ZEB2: variants seen among roughly 807,000 people sequenced by gnomAD.
The protein encoded by ZEB2 is zinc finger E-box-binding homeobox 2.
ZEB2 carries 6 observed loss-of-function variants against 99.9 expected under a neutral mutation model. That is an observed-to-expected ratio of 0.06 (90% CI 0.03 to 0.12). The LOEUF (loss-of-function observed/expected upper bound fraction) is 0.12, where lower values mean the gene tolerates loss of function less well. Among genes scored for constraint, ZEB2 ranks in the 10% least tolerant of loss-of-function variants. The probability of loss-of-function intolerance (pLI) is 1.00; values close to 1 mark genes in which losing one functional copy is unlikely to be tolerated. For missense variants in ZEB2, 969 were observed against 1,502.8 expected (o/e 0.64, Z 5.87); for synonymous variants, 517 against 542.5 (o/e 0.95, Z 0.65).
At chr2:144,438,504 T>A (rs1231762489) in intron 2 of ZEB2, among the ~76,000 whole-genome samples, 1 of 152,114 alleles carries the variant, frequency 6.6e-6, no homozygotes, top group African/African-American at 2.4e-5. Context: ...GGTAGAGGTT[T>A]CATCAGTAGC....
At chr2:144,449,967 T>G (rs1296143357) in intron 2 of ZEB2, among the ~76,000 whole-genome samples, 3 of 152,218 alleles carry the variant, frequency 2.0e-5, no homozygotes, top group Admixed American at 2.0e-4. Flanking sequence ...CATACAGCCT[T>G]TCTGATTAGC....
At chr2:144,508,646 T>C (rs950312864) in intron 2 of ZEB2, among the ~76,000 whole-genome samples, 1 of 151,828 alleles carries the variant, frequency 6.6e-6, no homozygotes, top group African/African-American at 2.4e-5. Flanking sequence ...AAGTCTCAAG[T>C]TGGTAACGGC....
rs575962868 is a variant in ZEB2, at chr2:144,432,579, G to A, written c.74-2553C>T. Reference sequence around the variant, plus strand: ...CTTCCTGATCCCTACCCCATGCCCCGACTTCTAAATCCCAGGATTTTCCTT... The same window carrying A: ...CTTCCTGATCCCTACCCCATGCCCCAACTTCTAAATCCCAGGATTTTCCTT... On this transcript the variant is annotated intron_variant, in intron 2 of 9. Transcript: ENST00000627532. Among the ~76,000 whole-genome samples the A allele has an allele frequency of 1.8e-4, 27 of 152,160 alleles. 2 individuals carry two copies. The South Asian group carries it at 3.3e-3, about 19-fold the overall frequency.
rs112075123 is a variant in ZEB2, at chr2:144,387,396, T to C, written c.*2055A>G. ...AATCTAGTTTCTTGATAAAAGTCAT[T>C]ATGTAAAACCTACGAATACATTCAT... On this transcript the variant is annotated 3_prime_UTR_variant, in exon 10 of 10. Transcript: ENST00000627532. The C allele has an allele frequency of 9.2e-5, 14 of 152,258 alleles. No individual in the cohort carries two copies. Among genetic ancestry groups the C allele is most frequent in the African/African-American group, 3.4e-4 (14 of 41,562 alleles). 9.4% of individuals were successfully genotyped at this position (152,258 alleles called of 1,614,324 possible).
chr2:144,493,435 C>T (rs910063962), intron 2 of ZEB2, among the ~76,000 whole-genome samples: 2 of 152,188 alleles, frequency 1.3e-5, no homozygotes, highest in Non-Finnish European at 2.9e-5. Flanking sequence ...GGTTAAGAAA[C>T]GCACCCAGGG....
At chr2:144,456,718 C>G (rs564302551) in intron 2 of ZEB2, among the ~76,000 whole-genome samples, 12 of 152,134 alleles carry the variant, frequency 7.9e-5, no homozygotes, top group Non-Finnish European at 1.6e-4. Context: ...GTCTTAGATT[C>G]TGCTCTTGTA....
chr2:144,457,306 T>G (rs1272792614), intron 2 of ZEB2, among the ~76,000 whole-genome samples: 1 of 152,136 alleles, frequency 6.6e-6, no homozygotes, highest in Non-Finnish European at 1.5e-5. Flanking sequence ...AAATTGAATC[T>G]CAGAAATTTT....
intron 2 of ZEB2, among the ~76,000 whole-genome samples, chr2:144,455,852 A>C (rs1704115498): frequency 6.6e-6 from 1 of 152,140 alleles, no homozygotes; most frequent in Admixed American, 6.6e-5. Flanking sequence ...AGAAGCCATT[A>C]TTATTACTTA....
chr2:144,406,070 T>C (rs1301872368), intron 4 of ZEB2, among the ~76,000 whole-genome samples: 1 of 152,232 alleles, frequency 6.6e-6, no homozygotes, highest in Admixed American at 6.5e-5. Flanking sequence ...ACGAGATTCT[T>C]CACCTTGTCT....
intron 2 of ZEB2, among the ~76,000 whole-genome samples, chr2:144,474,515 G>A (rs1240980538): frequency 6.6e-6 from 1 of 152,118 alleles, no homozygotes; most frequent in Non-Finnish European, 1.5e-5. Context: ...GAGTTCTAAG[G>A]TGTCAGAAAC....
chr2:144,453,940 TTGA>T (rs752708148), intron 2 of ZEB2, among the ~76,000 whole-genome samples: 1 of 152,222 alleles, frequency 6.6e-6, no homozygotes, highest in Non-Finnish European at 1.5e-5. Flanking sequence ...GACAAAAGTC[TTGA>T]TGACAGCGCA....
intron 2 of ZEB2, among the ~76,000 whole-genome samples, chr2:144,432,013 A>C (rs991835358): frequency 2.0e-5 from 3 of 152,144 alleles, no homozygotes; most frequent in South Asian, 2.1e-4. Flanking sequence ...AAAAAAAAAA[A>C]AAACCCATGC....
intron 2 of ZEB2, among the ~76,000 whole-genome samples, chr2:144,433,235 A>G (rs1427694709): frequency 6.6e-6 from 1 of 152,190 alleles, no homozygotes; most frequent in Non-Finnish European, 1.5e-5. Flanking sequence ...AAAGCCAACT[A>G]AAGAGCAGTA....
chr2:144,486,212 T>C (rs1704592877), intron 2 of ZEB2, among the ~76,000 whole-genome samples: 1 of 152,202 alleles, frequency 6.6e-6, no homozygotes, highest in Non-Finnish European at 1.5e-5. Context: ...ACACATCTTT[T>C]CTTGAAAAGA....
At chr2:144,448,338 C>T (rs1351051682) in intron 2 of ZEB2, among the ~76,000 whole-genome samples, 5 of 152,194 alleles carry the variant, frequency 3.3e-5, no homozygotes, top group Admixed American at 2.0e-4. Flanking sequence ...AGGTTCCATG[C>T]TGCCACCCTA....
In ZEB2 at chr2:144,399,168, T is replaced by C; in HGVS notation, c.2019A>G (p.Glu673=). The change falls in exon 8 of 10, where the codon GAA becomes GAG. Residue 673 remains glutamate, a synonymous_variant. Coordinates refer to ENST00000627532, the MANE Select transcript of ZEB2 (RefSeq NM_014795.4). This position sits in a 1 kb window ranked among gnomAD's most constrained non-coding sequence, Gnocchi z 5.6. ...CCACAGCAATGGAAATTTTCAGCAG[T>C]TCATCGGAGTTGGGCTCCATGTTCA... is the stretch of plus-strand genomic sequence containing the variant. ...YAMNMEPNSD[E]LLKISIAVGL... 6.2e-7 allele frequency: 1 copy of C among 1,614,202 alleles called. No homozygotes were observed. Among genetic ancestry groups the C allele is most frequent in the Non-Finnish European group, 8.5e-7 (1 of 1,180,026 alleles).
intron 9 of ZEB2, among the ~76,000 whole-genome samples, chr2:144,395,508 T>C (rs183477082): frequency 2.0e-4 from 31 of 151,956 alleles, no homozygotes; most frequent in Middle Eastern, 3.4e-3. Context: ...CCTACACTTT[T>C]TCCCCCCCGA....
chr2:144,394,989 C>CTTTT (rs869207772), intron 9 of ZEB2, among the ~76,000 whole-genome samples: 17 of 85,220 alleles, frequency 2.0e-4, no homozygotes, highest in Non-Finnish European at 2.2e-4. Flanking sequence ...CTTCCCTTCG[C>CTTTT]TTTTTTTTTT....
chr2:144,400,354 C>A, intron 7 of ZEB2, 84 bp from the exon 8 acceptor site: 2 of 1,489,814 alleles, frequency 1.3e-6, no homozygotes, highest in South Asian at 1.2e-5. Flanking sequence ...ATCTGTGAAA[C>A]CAAACAAAAG....
Sources: gnomAD v4.1 joint callset for allele counts (sites outside exome capture counted in the v4.1 genomes callset) on GRCh38, gnomAD v4.1.1 for gene constraint, Gnocchi (gnomAD v3.1) non-coding constraint, MANE v1.5 for transcripts, NCBI Gene and HGNC (gene_info 2026-07-23, HGNC 2026-07-21) for gene names.